Variants in RASGRF1 observed in about 807,000 individuals in gnomAD.
RASGRF1 encodes the protein ras-specific guanine nucleotide-releasing factor 1.
Under a neutral mutation model 138.7 loss-of-function variants are expected in RASGRF1, and 40 were observed. The observed-to-expected ratio is 0.29, with a 90% CI of 0.22 to 0.38. RASGRF1 has a LOEUF of 0.38. Ranked by LOEUF, RASGRF1 falls within the 10% of genes least tolerant of loss-of-function variation. The pLI is 1.00. For synonymous variants in RASGRF1, 614 were observed against 663.2 expected (o/e 0.93, Z 1.14); for missense variants, 1,108 against 1,650.4 (o/e 0.67, Z 5.69).
intron 10 of RASGRF1, among the ~76,000 whole-genome samples, chr15:79,022,663 T>C (rs2056978123): frequency 6.6e-6 from 1 of 152,144 alleles, no homozygotes; most frequent in Non-Finnish European, 1.5e-5. Context: ...TAATAAATAA[T>C]GAAAGCGTTC....
chr15:79,078,756 G>A (rs1295536161), intron 1 of RASGRF1, among the ~76,000 whole-genome samples: 1 of 152,214 alleles, frequency 6.6e-6, no homozygotes, highest in Non-Finnish European at 1.5e-5. Context: ...GGCCGTGGTG[G>A]CCGCACCAGA....
chr15:78,967,758 T>C (rs892021327), intron 26 of RASGRF1, among the ~76,000 whole-genome samples: 2 of 152,208 alleles, frequency 1.3e-5, no homozygotes, highest in African/African-American at 4.8e-5. Flanking sequence ...ATATAAAAAC[T>C]ATGCATACAA....
chr15:79,054,404 T>G (rs2057482423), intron 3 of RASGRF1, among the ~76,000 whole-genome samples: 1 of 152,180 alleles, frequency 6.6e-6, no homozygotes, highest in Non-Finnish European at 1.5e-5. Context: ...GCCTGTGTCG[T>G]GGGTTGTAGG....
At chr15:79,015,451 CCT>C in intron 12 of RASGRF1, 42 bp from the exon 13 acceptor site, 1 of 1,563,944 alleles carries the variant, frequency 6.4e-7, no homozygotes, top group Non-Finnish European at 8.8e-7. Context: ...GCTCTCCATT[CCT>C]GGACCCAGGC....
chr15:78,976,580 A>C (rs2055876914), intron 24 of RASGRF1, among the ~76,000 whole-genome samples: 1 of 151,894 alleles, frequency 6.6e-6, no homozygotes, highest in Non-Finnish European at 1.5e-5. Context: ...ACACACACAC[A>C]CACACCCATC....
chr15:79,013,351 C>G (rs1267435679), intron 13 of RASGRF1, among the ~76,000 whole-genome samples: 1 of 152,188 alleles, frequency 6.6e-6, no homozygotes, highest in East Asian at 1.9e-4. Context: ...GGGAATAATT[C>G]CTTATCAACT....
At position 78,995,315 on chromosome 15, in the gene RASGRF1, T is replaced by A. The variant is rs1422624257; in HGVS notation, c.3027+425A>T. On this transcript the variant is annotated intron_variant, in intron 20 of 26. Transcript: ENST00000558480. Reference sequence around the variant, plus strand: ...CTTTTTTTTTTTTTTTGAGATGGAGTCTCGCTCTGTTACCTAGGCTGGAGC... The same window carrying A: ...CTTTTTTTTTTTTTTTGAGATGGAGACTCGCTCTGTTACCTAGGCTGGAGC... Among the ~76,000 whole-genome samples, 2 of 141,540 alleles carry A rather than the reference T, an allele frequency of 1.4e-5. 1 individual carries two copies. The highest frequency in any genetic ancestry group is 5.4e-5 in the African/African-American group (2 of 36,942). 92.9% of individuals were successfully genotyped at this position (141,540 alleles called of 152,430 possible). A position where few individuals can be genotyped will look rare whatever the true frequency, so the allele number is the denominator to read the frequency against.
chr15:79,005,328 G>C (rs2056646513), intron 14 of RASGRF1: 12 of 985,496 alleles, frequency 1.2e-5, no homozygotes, highest in Non-Finnish European at 1.4e-5. Flanking sequence ...GTGTGATTCA[G>C]GAGCTCTGCT....
intron 1 of RASGRF1, among the ~76,000 whole-genome samples, chr15:79,089,696 G>A (rs1480435521): frequency 6.6e-6 from 1 of 152,224 alleles, no homozygotes; most frequent in African/African-American, 2.4e-5. Flanking sequence ...GCCCAACTCC[G>A]AGGAGCTAGC....
chr15:79,027,966 G>T lies in RASGRF1; in HGVS notation c.1263-107C>A. 1 of 1,135,690 alleles carries T rather than the reference G, an allele frequency of 8.8e-7. No homozygotes were observed. Among genetic ancestry groups the T allele is most frequent in the Non-Finnish European group, 1.3e-6 (1 of 766,664 alleles). 70.4% of individuals were successfully genotyped at this position (1,135,690 alleles called of 1,614,324 possible). A position where few individuals can be genotyped will look rare whatever the true frequency, so the allele number is the denominator to read the frequency against. ...ACCTAGGAAGAAAGCCTGGCACAAG[G>T]ATTCTCAGGTGGAGTCTGTGGTCAT... is the stretch of plus-strand genomic sequence containing the variant. On this transcript the variant is annotated intron_variant, in intron 8 of 26. Transcript: ENST00000558480. The surrounding 1 kb of genome is among the most constrained non-coding windows in gnomAD (Gnocchi z 4.8).
intron 2 of RASGRF1, among the ~76,000 whole-genome samples, chr15:79,062,243 T>C (rs2057617233): frequency 6.6e-6 from 1 of 152,364 alleles, no homozygotes; most frequent in South Asian, 2.1e-4. Context: ...ATAAATAATT[T>C]CATTTGCTAC....
At chr15:78,970,162 G>C (rs1171445876) in intron 26 of RASGRF1, among the ~76,000 whole-genome samples, 5 of 152,142 alleles carry the variant, frequency 3.3e-5, no homozygotes. Flanking sequence ...GTCTGGAGCT[G>C]GATGTTTTTG....
intron 1 of RASGRF1, among the ~76,000 whole-genome samples, chr15:79,083,541 C>T (rs188349134): frequency 8.5e-5 from 13 of 152,300 alleles, no homozygotes; most frequent in African/African-American, 2.4e-4. Flanking sequence ...AAACAAAAGC[C>T]GCCTTCACAA....
At chr15:79,070,736 ACTT>A (rs1035943495) in intron 1 of RASGRF1, among the ~76,000 whole-genome samples, 3 of 152,296 alleles carry the variant, frequency 2.0e-5, no homozygotes, top group East Asian at 3.9e-4. Flanking sequence ...TGTTCACTAT[ACTT>A]CTTTTTTTAT....
chr15:79,028,121 G>T (rs1218039561), intron 8 of RASGRF1, among the ~76,000 whole-genome samples: 4 of 152,168 alleles, frequency 2.6e-5, no homozygotes, highest in Admixed American at 6.5e-5. Context: ...GAAAACTGAA[G>T]TCAGCAGCTA....
In RASGRF1 at chr15:79,031,517, C is replaced by T. The variant is rs745556079; in HGVS notation, c.1153-8G>A. 2 of 1,598,664 alleles carry T rather than the reference C, an allele frequency of 1.3e-6. No individual in the cohort carries two copies. The highest frequency in any genetic ancestry group is 4.5e-5 in the East Asian group (2 of 44,646). On this transcript the variant is annotated splice_region_variant and splice_polypyrimidine_tract_variant and intron_variant, in intron 7 of 26. Transcript: ENST00000558480. Reference sequence around the variant, plus strand: ...CAGGATGTACCTGGGGATCTGCGGGCAGGTGGGAGAGGTGAGGGTGGAGAA... The same window carrying T: ...CAGGATGTACCTGGGGATCTGCGGGTAGGTGGGAGAGGTGAGGGTGGAGAA...
chr15:79,032,790 C>T lies in RASGRF1; in HGVS notation c.959-474G>A, dbSNP rs765500558. 3.4e-4 allele frequency among the ~76,000 whole-genome samples: 51 copies of T among 152,200 alleles called. No individual in the cohort carries two copies. Among genetic ancestry groups the T allele is most frequent in the Non-Finnish European group, 5.7e-4 (39 of 68,030 alleles). On this transcript the variant is annotated intron_variant, in intron 6 of 26. Transcript: ENST00000558480. This position sits in a 1 kb window ranked among gnomAD's most constrained non-coding sequence, Gnocchi z 4.5. ...CCTTCTCCAGAGCTTCCTGTGGGGT[C>T]GGCTGAGGCTTCTGTTGCAGCTGGA...
chr15:79,076,739 C>T (rs887571684), intron 1 of RASGRF1, among the ~76,000 whole-genome samples: 4 of 152,146 alleles, frequency 2.6e-5, no homozygotes, highest in Non-Finnish European at 4.4e-5. Context: ...CATTAACTAC[C>T]GCTGTGTTTC....
rs2056861110 is a variant in RASGRF1 at position 79,015,179 on chromosome 15, A to G, written c.1826+148T>C. 13 of 706,272 alleles carry G rather than the reference A, an allele frequency of 1.8e-5. No homozygotes were observed. The East Asian group carries it at 3.4e-4, about 18-fold the overall frequency. 43.8% of individuals were successfully genotyped at this position (706,272 alleles called of 1,614,324 possible). A position where few individuals can be genotyped will look rare whatever the true frequency, so the allele number is the denominator to read the frequency against. ...AGCAATCACCCAACTCAAAACAAAC[A>G]AACAAGAAAACATCCAAAACACCCC... is the stretch of plus-strand genomic sequence containing the variant. On this transcript the variant is annotated intron_variant, in intron 13 of 26. Transcript: ENST00000558480.
Sources: gnomAD v4.1 joint callset for allele counts (sites outside exome capture counted in the v4.1 genomes callset) on GRCh38, gnomAD v4.1.1 for gene constraint, Gnocchi (gnomAD v3.1) non-coding constraint, MANE v1.5 for transcripts, NCBI Gene and HGNC (gene_info 2026-07-23, HGNC 2026-07-21) for gene names.